The following DLGAP2 variants were observed in gnomAD, a reference collection of about 807,000 sequenced individuals.
DLGAP2 encodes the protein disks large-associated protein 2.
A neutral mutation model predicts 100.3 loss-of-function variants in DLGAP2; 26 were observed. The ratio of observed to expected loss-of-function variants is 0.26; its 90% CI spans 0.19 to 0.36. The LOEUF (loss-of-function observed/expected upper bound fraction) is 0.36. DLGAP2 is among the 10% of genes least tolerant of loss of function. The pLI is 1.00. For synonymous variants in DLGAP2, 886 were observed against 630.1 expected, an observed-to-expected ratio of 1.41 and a Z score of -6.08; for missense variants, 1,858 against 1,453.2, an observed-to-expected ratio of 1.28 and a Z score of -4.53.
At chr8:1,258,288 C>G (rs933178318) in intron 2 of DLGAP2, among the ~76,000 whole-genome samples, 1 of 152,176 alleles carries the variant, frequency 6.6e-6, no homozygotes, top group South Asian at 2.1e-4. Context: ...TTTCTGTTCA[C>G]CTATATACAA....
intron 1 of DLGAP2, among the ~76,000 whole-genome samples, chr8:774,704 CTA>C (rs1369845791): frequency 6.6e-6 from 1 of 151,556 alleles, no homozygotes; most frequent in Non-Finnish European, 1.5e-5. Flanking sequence ...TTCCATTGAT[CTA>C]TATCTCTGTT....
At chr8:1,697,951 C>T (rs749895141) in intron 14 of DLGAP2, among the ~76,000 whole-genome samples, 2 of 152,218 alleles carry the variant, frequency 1.3e-5, no homozygotes, top group Non-Finnish European at 2.9e-5. Context: ...GATTTCCTCA[C>T]ACGTTTTAAA....
At chr8:1,657,418 C>T (rs778143326) in intron 8 of DLGAP2, among the ~76,000 whole-genome samples, 10 of 152,222 alleles carry the variant, frequency 6.6e-5, no homozygotes, top group African/African-American at 9.6e-5. Flanking sequence ...AGAATGAAGA[C>T]GATTATTATC....
chr8:1,200,937 A>G (rs1797858306), intron 2 of DLGAP2, among the ~76,000 whole-genome samples: 1 of 152,180 alleles, frequency 6.6e-6, no homozygotes, highest in Non-Finnish European at 1.5e-5. Context: ...ATTCAGCTCC[A>G]GGAGCGTGTT....
At chr8:1,417,727 A>ACGGGGAGCCCCACTCCTG in intron 3 of DLGAP2, among the ~76,000 whole-genome samples, 2 of 111,510 alleles carry the variant, frequency 1.8e-5, no homozygotes, top group African/African-American at 3.1e-5. Flanking sequence ...GAGGCTCCAG[A>ACGGGGAGCCCCACTCCTG]CACAGAAGCC....
At chr8:983,516 G>T (rs999594648) in intron 2 of DLGAP2, among the ~76,000 whole-genome samples, 1 of 152,214 alleles carries the variant, frequency 6.6e-6, no homozygotes, top group Non-Finnish European at 1.5e-5. Context: ...ATGTTCTTCT[G>T]TTCAAATTCC....
chr8:1,365,277 G>A (rs1029279768), intron 3 of DLGAP2, among the ~76,000 whole-genome samples: 10 of 152,166 alleles, frequency 6.6e-5, no homozygotes, highest in African/African-American at 1.9e-4. Flanking sequence ...CTCCGGGGAT[G>A]TGTGGCTCAG....
chr8:1,511,256 G>C (rs954695923), intron 4 of DLGAP2, among the ~76,000 whole-genome samples: 1 of 150,756 alleles, frequency 6.6e-6, no homozygotes, highest in Non-Finnish European at 1.5e-5. Flanking sequence ...GGACGTAAGG[G>C]CTGTCTAGTG....
At chr8:1,136,525 C>T (rs1177897582) in intron 2 of DLGAP2, among the ~76,000 whole-genome samples, 1 of 152,240 alleles carries the variant, frequency 6.6e-6, no homozygotes, top group Non-Finnish European at 1.5e-5. Context: ...AGGGCCACGG[C>T]AGACAACGTG....
At chr8:1,113,515 T>C (rs1053883962) in intron 2 of DLGAP2, among the ~76,000 whole-genome samples, 1 of 152,198 alleles carries the variant, frequency 6.6e-6, no homozygotes, top group Non-Finnish European at 1.5e-5. Context: ...GTTTTTGGTG[T>C]GTAAGAATGC....
chr8:963,984 G>T (rs771274610), intron 2 of DLGAP2, among the ~76,000 whole-genome samples: 21 of 151,954 alleles, frequency 1.4e-4, no homozygotes, highest in Non-Finnish European at 2.8e-4. Context: ...CAACTTAGTC[G>T]ACCCAAATGT....
intron 8 of DLGAP2, among the ~76,000 whole-genome samples, chr8:1,647,213 C>G (rs1022883642): frequency 2.0e-5 from 3 of 152,092 alleles, no homozygotes; most frequent in Non-Finnish European, 2.9e-5. Context: ...AGTCCATGAC[C>G]CCAGGGGAAC....
intron 2 of DLGAP2, among the ~76,000 whole-genome samples, chr8:1,187,833 T>C (rs1350883381): frequency 1.7e-5 from 2 of 119,706 alleles, no homozygotes; most frequent in East Asian, 2.5e-4. Context: ...CCGTGATGTT[T>C]CCCTCACGGA....
chr8:1,569,496 CAA>C (rs5888846), intron 6 of DLGAP2, among the ~76,000 whole-genome samples: 1 of 150,730 alleles, frequency 6.6e-6, no homozygotes, highest in Non-Finnish European at 1.5e-5. Context: ...AAAGTTTCTG[CAA>C]AAAAAAAATA....
chr8:1,697,942 A>G (rs1456270024), intron 14 of DLGAP2, among the ~76,000 whole-genome samples: 1 of 152,240 alleles, frequency 6.6e-6, no homozygotes, highest in Non-Finnish European at 1.5e-5. Context: ...AAAGACATAG[A>G]TTTCCTCACA....
chr8:856,188 T>TTCTTCTTCTTC (rs1218302818), intron 1 of DLGAP2, among the ~76,000 whole-genome samples: 8,098 of 43,220 alleles, frequency 0.19, 197 homozygotes, highest in Admixed American at 0.3. Context: ...TCTTCTTCTT[T>TTCTTCTTCTTC]TTTTTTTTTT....
chr8:1,065,609 A>G (rs1412384111), intron 2 of DLGAP2, among the ~76,000 whole-genome samples: 1 of 152,226 alleles, frequency 6.6e-6, no homozygotes, highest in Non-Finnish European at 1.5e-5. Flanking sequence ...AAATGTTTAA[A>G]AGATGCCCGT....
intron 3 of DLGAP2, among the ~76,000 whole-genome samples, chr8:1,345,627 G>C (rs1321774501): frequency 6.6e-6 from 1 of 152,204 alleles, no homozygotes; most frequent in Non-Finnish European, 1.5e-5. Context: ...TAACACGTCT[G>C]ATCAGTGCAC....
At chr8:1,281,608 C>T (rs949353676) in intron 3 of DLGAP2, among the ~76,000 whole-genome samples, 3 of 152,190 alleles carry the variant, frequency 2.0e-5, no homozygotes, top group African/African-American at 7.2e-5. Context: ...TCCTCATTCT[C>T]ATTGGGGAGC....
Sources: allele counts gnomAD v4.1 joint callset (sites outside exome capture counted in the v4.1 genomes callset), GRCh38; gene constraint gnomAD v4.1.1; transcripts MANE v1.5; gene names NCBI Gene and HGNC (gene_info 2026-07-23, HGNC 2026-07-21).